CEP70: variants seen among roughly 807,000 people sequenced by gnomAD.
CEP70 encodes centrosomal protein 70, also known as centrosomal protein of 70 kDa.
In CEP70, 70 loss-of-function variants were observed where a neutral mutation model predicts 90.9. The observed-to-expected ratio is 0.77, with a 90% CI of 0.64 to 0.94. CEP70 has a LOEUF of 0.94. CEP70 is among the 40% of genes least tolerant of loss of function. The probability of loss-of-function intolerance (pLI) is 0.00; values close to 1 mark genes in which losing one functional copy is unlikely to be tolerated. For synonymous variants in CEP70, 220 were observed against 228.3 expected (o/e 0.96, Z 0.33); for missense variants, 648 against 669.0 (o/e 0.97, Z 0.35).
chr3:138,563,604 AAAC>A (rs1220535477), intron 6 of CEP70, among the ~76,000 whole-genome samples: 2 of 152,238 alleles, frequency 1.3e-5, no homozygotes, highest in African/African-American at 4.8e-5. Flanking sequence ...ACTACTGGGT[AAAC>A]AACGAAATGA....
chr3:138,522,951 T>C (rs1479956760), intron 11 of CEP70, among the ~76,000 whole-genome samples: 1 of 152,192 alleles, frequency 6.6e-6, no homozygotes, highest in Non-Finnish European at 1.5e-5. Flanking sequence ...ATATCCCTGA[T>C]GAACATCGAT....
chr3:138,591,556 C>G (rs758619723), intron 2 of CEP70, among the ~76,000 whole-genome samples: 1 of 152,074 alleles, frequency 6.6e-6, no homozygotes, highest in African/African-American at 2.4e-5. Flanking sequence ...TAAAAGTACT[C>G]AGCTCACGAG....
At chr3:138,569,568 T>G (rs1027961946) in intron 6 of CEP70, among the ~76,000 whole-genome samples, 2 of 152,116 alleles carry the variant, frequency 1.3e-5, no homozygotes, top group African/African-American at 4.8e-5. Flanking sequence ...GTTTTAGACA[T>G]AAAAAGTTGT....
intron 2 of CEP70, 131 bp downstream of exon 2, chr3:138,591,723 T>C (rs902509700): frequency 5.1e-6 from 4 of 778,990 alleles, no homozygotes; most frequent in Non-Finnish European, 8.3e-6. Flanking sequence ...AGTTGTAAAA[T>C]ATCTACCTGA....
intron 12 of CEP70, among the ~76,000 whole-genome samples, chr3:138,506,061 A>G (rs553799657): frequency 6.7e-6 from 1 of 149,148 alleles, no homozygotes; most frequent in East Asian, 1.9e-4. Context: ...TTTGCTCACT[A>G]TCTATATTTT....
chr3:138,550,729 C>T (rs1199825449), intron 6 of CEP70, among the ~76,000 whole-genome samples: 2 of 152,134 alleles, frequency 1.3e-5, no homozygotes, highest in African/African-American at 4.8e-5. Context: ...GCAAAATGTT[C>T]TGGAAAGTCT....
chr3:138,580,984 GA>G (rs1185813017), intron 2 of CEP70, among the ~76,000 whole-genome samples: 2 of 151,844 alleles, frequency 1.3e-5, no homozygotes, highest in East Asian at 1.9e-4. Flanking sequence ...GGAGACAAGA[GA>G]AAAAAGAATA....
At chr3:138,553,707 C>T (rs2039792956) in intron 6 of CEP70, among the ~76,000 whole-genome samples, 1 of 151,968 alleles carries the variant, frequency 6.6e-6, no homozygotes, top group Non-Finnish European at 1.5e-5. Context: ...AACATAGATG[C>T]AAAAATCCTT....
chr3:138,541,294 AAAG>A (rs946514694), intron 6 of CEP70, among the ~76,000 whole-genome samples: 2 of 152,204 alleles, frequency 1.3e-5, no homozygotes, highest in Non-Finnish European at 2.9e-5. Context: ...CATCAAGAGA[AAAG>A]AAGAAAACAA....
chr3:138,546,383 A>T (rs373178418), intron 6 of CEP70, among the ~76,000 whole-genome samples: 1 of 152,230 alleles, frequency 6.6e-6, no homozygotes, highest in Non-Finnish European at 1.5e-5. Context: ...CATCAGCAAG[A>T]TATCACTTGC....
chr3:138,532,655 A>G (rs941803508), intron 7 of CEP70, 85 bp from the exon 8 acceptor site: 4 of 1,186,900 alleles, frequency 3.4e-6, no homozygotes, highest in Non-Finnish European at 4.4e-6. Context: ...TTCAAATTAC[A>G]GTGTAAAAGT....
At chr3:138,574,754 C>G (rs139625093) in intron 2 of CEP70, among the ~76,000 whole-genome samples, 3 of 152,190 alleles carry the variant, frequency 2.0e-5, no homozygotes, top group Non-Finnish European at 2.9e-5. Flanking sequence ...GAGGAAAGAT[C>G]AGGCAGCAAT....
At position 138,529,384 on chromosome 3, in the gene CEP70, G is replaced by T. The variant is rs745497676; in HGVS notation, c.771C>A (p.Gly257=). ...TATGCAGTCCCCATACCATTAAAAG[G>T]CCTTTATAAGTTGGTGAGGCATCCA... ...RNLDASPTYK[G]LLMSLQNQLK... The change falls in exon 9 of 18, where the codon GGC becomes GGA. Residue 257 remains glycine (G), a synonymous_variant. Coordinates refer to ENST00000264982, the MANE Select transcript of CEP70 (RefSeq NM_024491.4). 5 of 1,605,752 alleles carry T rather than the reference G, an allele frequency of 3.1e-6. No individual in the cohort carries two copies. The African/African-American group carries it at 6.7e-5, about 22-fold the overall frequency.
intron 5 of CEP70, 81 bp from the exon 6 acceptor site, chr3:138,570,579 T>C: frequency 9.2e-7 from 1 of 1,085,130 alleles, no homozygotes; most frequent in Admixed American, 2.7e-5. Flanking sequence ...AAGAATGTAT[T>C]GCCTTTCTAA....
At chr3:138,521,272 G>T (rs543441070) in intron 11 of CEP70, among the ~76,000 whole-genome samples, 1 of 147,640 alleles carries the variant, frequency 6.8e-6, no homozygotes, top group Non-Finnish European at 1.5e-5. Context: ...GCCGCCCATC[G>T]TCTGGGATGT....
At position 138,537,603 on chromosome 3, in the gene CEP70, C is replaced by G. The variant is rs980925088; in HGVS notation, c.466-256G>C. Among the ~76,000 whole-genome samples, 7 of 152,112 alleles carry G rather than the reference C, an allele frequency of 4.6e-5. No homozygotes were observed. In the East Asian group the frequency reaches 5.8e-4, roughly 13 times the overall value. On this transcript the variant is annotated intron_variant, in intron 6 of 17. Coordinates refer to ENST00000264982, the MANE Select transcript of CEP70 (RefSeq NM_024491.4). ...TTGCGTGCATTCAAGACATTTCTTA[C>G]CAAGTAAAGGAACTCAAGAATTTCC...
intron 2 of CEP70, among the ~76,000 whole-genome samples, chr3:138,576,286 A>T (rs2041518187): frequency 6.6e-6 from 1 of 152,212 alleles, no homozygotes; most frequent in South Asian, 2.1e-4. Flanking sequence ...AGCAAAAAAA[A>T]GCAGGGGTTG....
chr3:138,548,323 T>G (rs1437444497), intron 6 of CEP70, among the ~76,000 whole-genome samples: 1 of 152,178 alleles, frequency 6.6e-6, no homozygotes, highest in East Asian at 1.9e-4. Context: ...TGGGGAAACT[T>G]TAGCCCCCAA....
At chr3:138,527,973 T>A (rs2037443812) in intron 10 of CEP70, among the ~76,000 whole-genome samples, 2 of 150,682 alleles carry the variant, frequency 1.3e-5, no homozygotes, top group Admixed American at 1.3e-4. Flanking sequence ...TGCAGTGTAC[T>A]GTACATCAAT....
Sources: allele counts gnomAD v4.1 joint callset (sites outside exome capture counted in the v4.1 genomes callset), GRCh38; gene constraint gnomAD v4.1.1; transcripts MANE v1.5; gene names NCBI Gene and HGNC (gene_info 2026-07-23, HGNC 2026-07-21).